Variants in ERC2 observed in about 807,000 individuals in gnomAD.
The protein encoded by ERC2 is ELKS/RAB6-interacting/CAST family member 2.
A neutral mutation model predicts 114.8 loss-of-function variants in ERC2; 42 were observed. The observed-to-expected ratio is 0.37, with a 90% confidence interval of 0.29 to 0.47. The LOEUF (loss-of-function observed/expected upper bound fraction) is 0.47, where lower values mean the gene tolerates loss of function less well. Ranked by LOEUF, ERC2 falls within the 20% of genes least tolerant of loss-of-function variation. The probability of loss-of-function intolerance (pLI) is 0.99; values close to 1 mark genes in which losing one functional copy is unlikely to be tolerated. For synonymous variants in ERC2, 454 were observed against 425.5 expected (o/e 1.07, Z -0.82); for missense variants, 939 against 1,150.7 (o/e 0.82, Z 2.66).
intron 15 of ERC2, among the ~76,000 whole-genome samples, chr3:55,709,726 A>C (rs1329658276): frequency 6.6e-6 from 1 of 151,860 alleles, no homozygotes; most frequent in African/African-American, 2.4e-5. Flanking sequence ...AAAACAAATG[A>C]CCCCCCAAAG....
intron 14 of ERC2, among the ~76,000 whole-genome samples, chr3:55,779,607 A>T (rs2068880272): frequency 6.6e-6 from 1 of 152,170 alleles, no homozygotes; most frequent in Non-Finnish European, 1.5e-5. Flanking sequence ...TCTACTTGTG[A>T]CTATGATATA....
intron 17 of ERC2, among the ~76,000 whole-genome samples, chr3:55,593,128 AG>A (rs1177775350): frequency 6.6e-6 from 1 of 152,212 alleles, no homozygotes; most frequent in East Asian, 1.9e-4. Context: ...ACTACACGCT[AG>A]GCCCTTGACT....
At chr3:56,167,073 A>T (rs1021387272) in intron 4 of ERC2, among the ~76,000 whole-genome samples, 4 of 152,068 alleles carry the variant, frequency 2.6e-5, no homozygotes, top group African/African-American at 9.7e-5. Flanking sequence ...CTGTTTATAA[A>T]CCATATTCCC....
chr3:55,597,856 A>G (rs192858040), intron 17 of ERC2, among the ~76,000 whole-genome samples: 4 of 152,364 alleles, frequency 2.6e-5, no homozygotes, highest in East Asian at 1.9e-4. Context: ...CATCAGGATT[A>G]CTTGTGTTAC....
intron 8 of ERC2, among the ~76,000 whole-genome samples, chr3:56,012,064 G>C (rs779729838): frequency 9.9e-5 from 15 of 152,040 alleles, no homozygotes; most frequent in Non-Finnish European, 1.9e-4. Flanking sequence ...ACTATTAATT[G>C]CCTATATTTG....
At chr3:56,346,131 G>A (rs2058297753) in intron 2 of ERC2, among the ~76,000 whole-genome samples, 1 of 152,098 alleles carries the variant, frequency 6.6e-6, no homozygotes, top group Non-Finnish European at 1.5e-5. Flanking sequence ...TATGTTACAG[G>A]AATCTCTATG....
At chr3:55,772,837 A>G (rs1264754913) in intron 14 of ERC2, among the ~76,000 whole-genome samples, 1 of 152,128 alleles carries the variant, frequency 6.6e-6, no homozygotes, top group Non-Finnish European at 1.5e-5. Flanking sequence ...CCAAAACTTT[A>G]GTGTCAAGAT....
At chr3:55,964,649 A>T (rs2068619644) in intron 12 of ERC2, among the ~76,000 whole-genome samples, 1 of 152,200 alleles carries the variant, frequency 6.6e-6, no homozygotes, top group Non-Finnish European at 1.5e-5. Context: ...ACATTTATTT[A>T]TTATCTCACA....
chr3:55,980,024 A>C (rs1458064), intron 12 of ERC2, among the ~76,000 whole-genome samples: 128,494 of 144,214 alleles, frequency 0.89, 57,320 homozygotes, highest in East Asian at 1. Context: ...ATCCCCAAAC[A>C]CAGTCTACAA....
intron 2 of ERC2, among the ~76,000 whole-genome samples, chr3:56,401,436 C>T (rs902033709): frequency 1.3e-5 from 2 of 152,156 alleles, no homozygotes; most frequent in Admixed American, 6.5e-5. Context: ...TGCTCTGTAA[C>T]CCAATCAATA....
chr3:56,165,256 G>A (rs973980304), intron 4 of ERC2, among the ~76,000 whole-genome samples: 1 of 151,738 alleles, frequency 6.6e-6, no homozygotes, highest in African/African-American at 2.4e-5. Flanking sequence ...GTTCTTTTGT[G>A]GCTGGCTTCT....
At chr3:56,174,839 A>T (rs1395771120) in intron 3 of ERC2, among the ~76,000 whole-genome samples, 2 of 152,080 alleles carry the variant, frequency 1.3e-5, no homozygotes, top group Admixed American at 6.5e-5. Context: ...TCAGCTGGGC[A>T]TAGTGGCGTG....
At chr3:56,289,098 T>C (rs2150342017) in intron 3 of ERC2, among the ~76,000 whole-genome samples, 1 of 151,334 alleles carries the variant, frequency 6.6e-6, no homozygotes. Flanking sequence ...GCTGCACGGC[T>C]CCACCAAGAT....
intron 2 of ERC2, among the ~76,000 whole-genome samples, chr3:56,374,250 C>T (rs2059456780): frequency 6.6e-6 from 1 of 152,132 alleles, no homozygotes; most frequent in African/African-American, 2.4e-5. Context: ...GCGCCTGCCA[C>T]CACGCCCAGC....
intron 7 of ERC2, among the ~76,000 whole-genome samples, chr3:56,022,517 C>A (rs1346996326): frequency 1.3e-5 from 2 of 152,046 alleles, no homozygotes; most frequent in African/African-American, 4.8e-5. Flanking sequence ...AAAATTTAAA[C>A]TTAAAAGACT....
intron 17 of ERC2, among the ~76,000 whole-genome samples, chr3:55,616,927 T>G (rs1185806451): frequency 1.3e-5 from 2 of 152,108 alleles, no homozygotes; most frequent in East Asian, 3.9e-4. Flanking sequence ...GATGAGCCAT[T>G]TCACTTCACT....
intron 7 of ERC2, among the ~76,000 whole-genome samples, chr3:56,047,190 T>C (rs558240593): frequency 1.3e-5 from 2 of 152,354 alleles, no homozygotes; most frequent in South Asian, 4.1e-4. Context: ...TGTTCTTTTA[T>C]TGTCCAAGGC....
At chr3:55,833,849 T>C (rs1478319761) in intron 14 of ERC2, among the ~76,000 whole-genome samples, 2 of 152,212 alleles carry the variant, frequency 1.3e-5, no homozygotes, top group African/African-American at 4.8e-5. Context: ...ATCTGTCTGC[T>C]GTATTCAGGA....
At chr3:55,786,100 T>C (rs1203359873) in intron 14 of ERC2, among the ~76,000 whole-genome samples, 4 of 152,236 alleles carry the variant, frequency 2.6e-5, no homozygotes, top group African/African-American at 7.2e-5. Flanking sequence ...CTACATAGTA[T>C]GTCACACATA....
Sources: allele counts gnomAD v4.1 joint callset (sites outside exome capture counted in the v4.1 genomes callset), GRCh38; gene constraint gnomAD v4.1.1; transcripts MANE v1.5; gene names NCBI Gene and HGNC (gene_info 2026-07-23, HGNC 2026-07-21).